ADCY1: variants seen among roughly 807,000 people sequenced by gnomAD.
ADCY1 encodes adenylate cyclase type 1.
In ADCY1, 28 loss-of-function variants were observed where a neutral mutation model predicts 105.4. The observed-to-expected ratio is 0.27, with a 90% CI of 0.20 to 0.36. The LOEUF (loss-of-function observed/expected upper bound fraction) is 0.36. Among genes scored for constraint, ADCY1 ranks in the 10% least tolerant of loss-of-function variants. The probability of loss-of-function intolerance (pLI) is 1.00; values close to 1 mark genes in which losing one functional copy is unlikely to be tolerated. For missense variants in ADCY1, 977 were observed against 1,434.2 expected (o/e 0.68, Z 5.15); for synonymous variants, 655 against 623.8 (o/e 1.05, Z -0.75).
Position 45,647,196 on chromosome 7 carries a change from GA to G in ADCY1, c.1021-1472del, listed in dbSNP as rs1279031645. 1.2e-4 allele frequency among the ~76,000 whole-genome samples: 19 copies of G among 152,254 alleles called. No homozygotes were observed. The highest frequency in any genetic ancestry group is 2.4e-4 in the Non-Finnish European group (16 of 68,054). On this transcript the variant is annotated intron_variant, in intron 4 of 19. Coordinates refer to ENST00000297323, the MANE Select transcript of ADCY1 (RefSeq NM_021116.4). This position sits in a 1 kb window ranked among gnomAD's most constrained non-coding sequence, Gnocchi z 4.6. ...TCATCAGCTGTCTGCTCAGCTCTGGGAAGATACTTCCATGGACAGGCCATTC... is the reference window on the plus strand; with the variant it reads ...TCATCAGCTGTCTGCTCAGCTCTGGGAGATACTTCCATGGACAGGCCATTC...
At chr7:45,687,916 C>A (rs951180520) in intron 14 of ADCY1, among the ~76,000 whole-genome samples, 1 of 152,220 alleles carries the variant, frequency 6.6e-6, no homozygotes, top group East Asian at 1.9e-4. Context: ...AAGGCAGGTG[C>A]AGCCCAGAGT....
At chr7:45,608,407 A>G (rs781212466) in intron 2 of ADCY1, among the ~76,000 whole-genome samples, 2 of 152,216 alleles carry the variant, frequency 1.3e-5, no homozygotes, top group African/African-American at 2.4e-5. Flanking sequence ...GCTGGAAAGT[A>G]TGGTCTTTAT....
At chr7:45,640,878 C>T (rs1223317865) in intron 4 of ADCY1, among the ~76,000 whole-genome samples, 2 of 152,108 alleles carry the variant, frequency 1.3e-5, no homozygotes, top group Non-Finnish European at 2.9e-5. Context: ...CTGGAATTTC[C>T]CTTGAAGGAA....
rs1193483386 is a variant in ADCY1, at chr7:45,575,619, A to G, written c.639+437A>G. Among the ~76,000 whole-genome samples, 2 of 152,244 alleles carry G rather than the reference A, an allele frequency of 1.3e-5. No individual in the cohort carries two copies. The highest frequency in any genetic ancestry group is 2.9e-5 in the Non-Finnish European group (2 of 68,050). ...GCAGCGCTGGGCTCTTCCCCTGCGC[A>G]CCTAGAGCGCGTGCTGGGCTCGCCT... On this transcript the variant is annotated intron_variant, in intron 1 of 19. Coordinates refer to ENST00000297323, the MANE Select transcript of ADCY1 (RefSeq NM_021116.4). This position sits in a 1 kb window ranked among gnomAD's most constrained non-coding sequence, Gnocchi z 4.7.
intron 14 of ADCY1, among the ~76,000 whole-genome samples, chr7:45,688,161 G>A (rs1012614329): frequency 2.6e-5 from 4 of 152,250 alleles, no homozygotes; most frequent in Non-Finnish European, 4.4e-5. Flanking sequence ...GCATCAGGTG[G>A]TCCTCGTCCT....
intron 5 of ADCY1, among the ~76,000 whole-genome samples, chr7:45,650,983 C>G (rs1037848754): frequency 1.3e-5 from 2 of 152,184 alleles, no homozygotes; most frequent in African/African-American, 4.8e-5. Context: ...GCTGCTGGCT[C>G]TCAGTCTGTG....
At chr7:45,600,196 G>T (rs565178427) in intron 2 of ADCY1, among the ~76,000 whole-genome samples, 1 of 152,248 alleles carries the variant, frequency 6.6e-6, no homozygotes, top group Admixed American at 6.5e-5. Context: ...GGGCAGATCC[G>T]CTGCAAGGAG....
At chr7:45,646,908 T>C (rs1475226699) in intron 4 of ADCY1, among the ~76,000 whole-genome samples, 1 of 152,208 alleles carries the variant, frequency 6.6e-6, no homozygotes, top group East Asian at 1.9e-4. Context: ...TGCCGGGCCC[T>C]CACAGAGCAG....
At position 45,640,112 on chromosome 7, in the gene ADCY1, C is replaced by CAT. The variant is rs1237570211; in HGVS notation, c.1021-8556_1021-8555dup. On this transcript the variant is annotated intron_variant, in intron 4 of 19. Transcript: ENST00000297323. ...CTGACACAGTACTGGGCCTCCTGGTCATAGATGACAAGGCGAACATTCATG... is the reference window on the plus strand; with the variant it reads ...CTGACACAGTACTGGGCCTCCTGGTCATATAGATGACAAGGCGAACATTCATG... Among the ~76,000 whole-genome samples, 3 of 152,186 alleles carry CAT rather than the reference C, an allele frequency of 2.0e-5. No homozygotes were observed. The East Asian group carries it at 5.8e-4, about 29-fold the overall frequency.
At chr7:45,579,110 G>T (rs1213849165) in intron 1 of ADCY1, among the ~76,000 whole-genome samples, 1 of 152,158 alleles carries the variant, frequency 6.6e-6, no homozygotes, top group Non-Finnish European at 1.5e-5. Flanking sequence ...GTTGCTTGGA[G>T]GTGAAACAAC....
rs1562710498 is a variant in ADCY1, at chr7:45,657,749, G to A, written c.1171G>A (p.Val391Met). ...CAGATCTGTGGCTGAAGCCACCGAG[G>A]TGGATCTGAACATGCGTGTGGGTCT... is the stretch of plus-strand genomic sequence containing the variant. ...TITSVAEATE[V>M]DLNMRVGLHT... is the part of the protein sequence containing the mutation. Residue 391 changes from valine to methionine, a missense_variant, in exon 6 of 20, where the codon GTG (valine) becomes ATG (methionine). Physicochemically the swap from Val to Met is conservative, Grantham distance 21 (BLOSUM62 1). Transcript: ENST00000297323. The A allele has an allele frequency of 6.2e-7, 1 of 1,613,954 alleles. No homozygotes were observed. The highest frequency in any genetic ancestry group is 8.5e-7 in the Non-Finnish European group (1 of 1,179,944).
chr7:45,657,912 G>GGGGGGT, intron 6 of ADCY1, 27 bp downstream of exon 6: 1 of 708,638 alleles, frequency 1.4e-6, no homozygotes, highest in Non-Finnish European at 2.4e-6. Flanking sequence ...GTGGGGAGGG[G>GGGGGGT]AGGGAGGTGG....
At chr7:45,625,639 A>G (rs1415765155) in intron 4 of ADCY1, among the ~76,000 whole-genome samples, 1 of 152,140 alleles carries the variant, frequency 6.6e-6, no homozygotes, top group Non-Finnish European at 1.5e-5. Context: ...ACATGTGTGT[A>G]GGTGAGCATG....
rs1784924029 is a variant in ADCY1, at chr7:45,698,184, C to A, written c.2455-5192C>A. Among the ~76,000 whole-genome samples the A allele has an allele frequency of 2.0e-5, 3 of 152,190 alleles. No homozygotes were observed. The South Asian group carries it at 6.2e-4, about 32-fold the overall frequency. On this transcript the variant is annotated intron_variant, in intron 14 of 19. Transcript: ENST00000297323. ...TCTCTTACACACACACACACACACA[C>A]ACACATACACCACTTATGGACTTCC...
At chr7:45,706,413 G>T (rs1159468500) in intron 17 of ADCY1, among the ~76,000 whole-genome samples, 1 of 148,548 alleles carries the variant, frequency 6.7e-6, no homozygotes, top group African/African-American at 2.5e-5. Flanking sequence ...ACTGGTTTTT[G>T]GCAAAGGAGC....
intron 1 of ADCY1, among the ~76,000 whole-genome samples, chr7:45,582,442 C>T (rs1208446045): frequency 2.6e-5 from 4 of 152,136 alleles, no homozygotes; most frequent in African/African-American, 9.7e-5. Flanking sequence ...GGCATGTCCA[C>T]ATGGGACTTG....
In ADCY1 at chr7:45,708,588, G is replaced by A. The variant is rs1236985641; in HGVS notation, c.2932+124G>A. 1.4e-6 allele frequency: 1 copy of A among 706,922 alleles called. No homozygotes were observed. The highest frequency in any genetic ancestry group is 2.5e-6 in the Non-Finnish European group (1 of 404,008). The allele number at this position is 706,922 out of a possible 1,614,324, so 43.8% of individuals were successfully genotyped here. ...AAGGAGGGTGGTGCCACCCAGGAGG[G>A]CATGGGGACCTGTGTACCGAGTTGC... On this transcript the variant is annotated intron_variant, in intron 18 of 19. Transcript: ENST00000297323. The surrounding 1 kb of genome is among the most constrained non-coding windows in gnomAD (Gnocchi z 4.7).
At chr7:45,655,528 C>A (rs1169571486) in intron 5 of ADCY1, among the ~76,000 whole-genome samples, 1 of 152,190 alleles carries the variant, frequency 6.6e-6, no homozygotes, top group Non-Finnish European at 1.5e-5. Flanking sequence ...AATGGTGAAA[C>A]CAAGAGGAGT....
intron 2 of ADCY1, among the ~76,000 whole-genome samples, chr7:45,608,931 T>G (rs1048797361): frequency 1.3e-5 from 2 of 152,170 alleles, no homozygotes; most frequent in Non-Finnish European, 2.9e-5. Flanking sequence ...GTGCCAGGAC[T>G]CAGGCAGCTG....
Sources: allele counts gnomAD v4.1 joint callset (sites outside exome capture counted in the v4.1 genomes callset), GRCh38; gene constraint gnomAD v4.1.1; non-coding constraint Gnocchi (gnomAD v3.1); transcripts MANE v1.5; gene names NCBI Gene and HGNC (gene_info 2026-07-23, HGNC 2026-07-21).